The following TENM2 variants were observed in gnomAD, a reference collection of about 807,000 sequenced individuals.
TENM2 encodes the protein teneurin transmembrane protein 2, also known as teneurin-2.
TENM2 carries 52 observed loss-of-function variants against 245.2 expected under a neutral mutation model. That is an observed-to-expected ratio of 0.21 (90% CI 0.17 to 0.27). TENM2 has a LOEUF of 0.27. TENM2 is among the 10% of genes least tolerant of loss of function. The probability of loss-of-function intolerance (pLI) is 1.00; values close to 1 mark genes in which losing one functional copy is unlikely to be tolerated. For missense variants in TENM2, 3,046 were observed against 3,666.8 expected, an observed-to-expected ratio of 0.83 and a Z score of 4.37; for synonymous variants, 1,363 against 1,438.9, an observed-to-expected ratio of 0.95 and a Z score of 1.19.
At chr5:167,892,884 T>A (rs746708581) in intron 3 of TENM2, among the ~76,000 whole-genome samples, 1 of 152,176 alleles carries the variant, frequency 6.6e-6, no homozygotes, top group Admixed American at 6.5e-5. Context: ...TACCTCTCCA[T>A]TGCACAATGA....
chr5:167,033,331 A>ATT, the TENM2 span, among the ~76,000 whole-genome samples: 1 of 152,208 alleles, frequency 6.6e-6, no homozygotes, highest in East Asian at 1.9e-4. Flanking sequence ...TGATGTACAG[A>ATT]TATTCTTCTA....
In TENM2 at chr5:168,062,392, C is replaced by T. The variant is rs183920626; in HGVS notation, c.1515+127C>T. 1,723 of 786,398 alleles carry T rather than the reference C, an allele frequency of 2.2e-3. 16 individuals carry two copies. Among genetic ancestry groups the T allele is most frequent in the South Asian group, 0.014 (740 of 52,626 alleles). The allele number at this position is 786,398 out of a possible 1,614,324, so 48.7% of individuals were successfully genotyped here. A position where few individuals can be genotyped will look rare whatever the true frequency, so the allele number is the denominator to read the frequency against. ...AAAAGATGGACAATAAAAATGTTGGCGAGAATTTGGAGAAATAAGAACCCT... is the reference window on the plus strand; with the variant it reads ...AAAAGATGGACAATAAAAATGTTGGTGAGAATTTGGAGAAATAAGAACCCT... On this transcript the variant is annotated intron_variant, in intron 7 of 28. Coordinates refer to ENST00000518659, the Ensembl canonical transcript of TENM2.
chr5:167,340,599 C>T (rs1758038605), intron 1 of TENM2, among the ~76,000 whole-genome samples: 1 of 152,200 alleles, frequency 6.6e-6, no homozygotes, highest in Non-Finnish European at 1.5e-5. Context: ...TTAGTCACCT[C>T]CTTAAAGGCC....
At chr5:168,131,339 G>A (rs1201694290) in intron 12 of TENM2, among the ~76,000 whole-genome samples, 1 of 152,196 alleles carries the variant, frequency 6.6e-6, no homozygotes, top group East Asian at 1.9e-4. Context: ...CCTAACCTCC[G>A]ATTTCATCTC....
At chr5:167,864,311 A>G (rs1199371281) in intron 2 of TENM2, among the ~76,000 whole-genome samples, 1 of 152,210 alleles carries the variant, frequency 6.6e-6, no homozygotes, top group Non-Finnish European at 1.5e-5. Flanking sequence ...GTACTTCACC[A>G]TTTGCAATGC....
At chr5:167,018,662 T>C in the TENM2 span, among the ~76,000 whole-genome samples, 4 of 152,166 alleles carry the variant, frequency 2.6e-5, no homozygotes, top group African/African-American at 9.7e-5. Context: ...AATCTCTGTA[T>C]CTTCATTCAC....
the TENM2 span, among the ~76,000 whole-genome samples, chr5:167,184,426 C>T: frequency 6.6e-6 from 1 of 152,146 alleles, no homozygotes; most frequent in Non-Finnish European, 1.5e-5. Context: ...ATAAATTACA[C>T]ATAAACATTG....
the TENM2 span, among the ~76,000 whole-genome samples, chr5:167,124,733 A>T: frequency 6.6e-6 from 1 of 152,166 alleles, no homozygotes; most frequent in African/African-American, 2.4e-5. Flanking sequence ...CACCATGCAA[A>T]TGAGGGTCAT....
At position 167,445,331 on chromosome 5, in the gene TENM2, A is replaced by ATG. The variant is rs879691759; in HGVS notation, c.502+69859_502+69860insGT. ...TATGATTATATATATATATATATAT[A>ATG]TATATAGAGAGAGAGAGAGAGAGAG... On this transcript the variant is annotated intron_variant, in intron 2 of 28. Transcript: ENST00000518659. 3.0e-5 allele frequency among the ~76,000 whole-genome samples: 3 copies of ATG among 101,430 alleles called. 1 individual carries two copies. The highest frequency in any genetic ancestry group is 5.9e-5 in the Non-Finnish European group (3 of 50,878). The allele number at this position is 101,430 out of a possible 152,430, so 66.5% of individuals were successfully genotyped here. A position where few individuals can be genotyped will look rare whatever the true frequency, so the allele number is the denominator to read the frequency against.
rs184989572 is a variant in TENM2 at position 167,807,075 on chromosome 5, T to C, written c.503-68911T>C. On this transcript the variant is annotated intron_variant, in intron 2 of 28. Coordinates refer to ENST00000518659, the Ensembl canonical transcript of TENM2. ...AATACTGCATGGTCCAAAGCCCCCA[T>C]CATAAATCATATTATTCGACTGCAC... 1.1e-4 allele frequency among the ~76,000 whole-genome samples: 13 copies of C among 117,180 alleles called. No homozygotes were observed. In the Admixed American group the frequency reaches 1.6e-3, roughly 14 times the overall value. 76.9% of individuals were successfully genotyped at this position (117,180 alleles called of 152,430 possible).
At chr5:167,587,358 C>T (rs768965763) in intron 2 of TENM2, among the ~76,000 whole-genome samples, 20 of 152,088 alleles carry the variant, frequency 1.3e-4, no homozygotes, top group Non-Finnish European at 2.6e-4. Flanking sequence ...GTAGTATGTC[C>T]GCTTGTTGTG....
chr5:167,844,755 C>A (rs1302687650), intron 2 of TENM2, among the ~76,000 whole-genome samples: 2 of 151,240 alleles, frequency 1.3e-5, no homozygotes, highest in East Asian at 3.9e-4. Context: ...TCTCTTCTGC[C>A]GTACTGGATC....
chr5:167,304,743 C>A lies in TENM2; in HGVS notation c.226+19680C>A, dbSNP rs6865293. ...AGTTGCAAAAATATTATGGAGTATC[C>A]TGGTTGAATTTTTTTGTTGCTGTTA... is the stretch of plus-strand genomic sequence containing the variant. On this transcript the variant is annotated intron_variant, in intron 1 of 28. Coordinates refer to ENST00000518659, the Ensembl canonical transcript of TENM2. 8.4e-3 allele frequency among the ~76,000 whole-genome samples: 1,270 copies of A among 151,866 alleles called. 5 individuals are homozygous for A. Among genetic ancestry groups the A allele is most frequent in the African/African-American group, 0.014 (584 of 41,374 alleles).
the TENM2 span, among the ~76,000 whole-genome samples, chr5:167,017,793 A>G: frequency 6.6e-6 from 1 of 152,176 alleles, no homozygotes; most frequent in Non-Finnish European, 1.5e-5. Context: ...AACTTGTCTT[A>G]TTGCGTGATG....
chr5:168,206,679 C>G (rs1015351265), intron 19 of TENM2, among the ~76,000 whole-genome samples: 2 of 152,172 alleles, frequency 1.3e-5, no homozygotes, highest in Non-Finnish European at 2.9e-5. Context: ...AGATTCCCTT[C>G]CCAAGATGTT....
intron 2 of TENM2, among the ~76,000 whole-genome samples, chr5:167,504,519 T>C (rs1462444976): frequency 6.6e-6 from 1 of 152,198 alleles, no homozygotes; most frequent in Non-Finnish European, 1.5e-5. Flanking sequence ...GATTTTCTGT[T>C]TCTAAGACTA....
At chr5:167,567,600 G>T (rs1019020473) in intron 2 of TENM2, among the ~76,000 whole-genome samples, 1 of 152,156 alleles carries the variant, frequency 6.6e-6, no homozygotes, top group Non-Finnish European at 1.5e-5. Flanking sequence ...CCAGAGGGCA[G>T]TTGTTAATTC....
chr5:166,983,047 C>T, the TENM2 span, among the ~76,000 whole-genome samples: 2 of 152,004 alleles, frequency 1.3e-5, no homozygotes, highest in African/African-American at 4.8e-5. Flanking sequence ...CAGCAACAGA[C>T]TTTTTAAAAA....
chr5:167,658,173 A>G (rs889224297), intron 2 of TENM2, among the ~76,000 whole-genome samples: 15 of 151,642 alleles, frequency 9.9e-5, no homozygotes, highest in African/African-American at 3.4e-4. Flanking sequence ...GTGTCCTCAC[A>G]TGGCAGATGG....
Sources: allele counts gnomAD v4.1 joint callset (sites outside exome capture counted in the v4.1 genomes callset), GRCh38; gene constraint gnomAD v4.1.1; transcripts MANE v1.5; gene names NCBI Gene and HGNC (gene_info 2026-07-23, HGNC 2026-07-21).